CELF4: variants seen among roughly 807,000 people sequenced by gnomAD.
CELF4 encodes the protein CUG-BP- and ETR-3-like factor 4.
In CELF4, 18 loss-of-function variants were observed where a neutral mutation model predicts 59.9. The ratio of observed to expected loss-of-function variants is 0.30; its 90% confidence interval spans 0.21 to 0.45. The LOEUF (loss-of-function observed/expected upper bound fraction) is 0.45, where lower values mean the gene tolerates loss of function less well. Ranked by LOEUF, CELF4 falls within the 20% of genes least tolerant of loss-of-function variation. CELF4 has a pLI of 1.00. For missense variants in CELF4, 456 were observed against 689.0 expected, an observed-to-expected ratio of 0.66 and a Z score of 3.79; for synonymous variants, 261 against 267.1, an observed-to-expected ratio of 0.98 and a Z score of 0.22.
intron 11 of CELF4, among the ~76,000 whole-genome samples, chr18:37,257,963 G>A (rs1206420504): frequency 6.6e-6 from 1 of 152,044 alleles, no homozygotes; most frequent in African/African-American, 2.4e-5. Context: ...TGCTGGATAG[G>A]GTTGCCAGAC....
intron 1 of CELF4, among the ~76,000 whole-genome samples, chr18:37,503,793 G>T (rs1018218426): frequency 6.6e-6 from 1 of 152,196 alleles, no homozygotes; most frequent in Non-Finnish European, 1.5e-5. Context: ...TGGCAGCAGG[G>T]AGTACTGAGA....
chr18:37,553,310 GGTGGTGA>G (rs1489529990), intron 1 of CELF4, among the ~76,000 whole-genome samples: 1 of 152,140 alleles, frequency 6.6e-6, no homozygotes, highest in Admixed American at 6.5e-5. Context: ...GCTGGACCGG[GGTGGTGA>G]GTGTACCAAT....
rs1192966451 is a variant in CELF4 at position 37,483,028 on chromosome 18, C to A, written c.369+2497G>T. Among the ~76,000 whole-genome samples the A allele has an allele frequency of 2.0e-5, 3 of 152,118 alleles. No individual in the cohort carries two copies. The East Asian group carries it at 5.8e-4, about 29-fold the overall frequency. The stretch of plus-strand genomic sequence containing the variant: ...CTTGCTGGGGCACCTAGTGTGGTCA[C>A]CCCAGACAAGAAGAAGTCCCCCTCT... On this transcript the variant is annotated intron_variant, in intron 2 of 12. Coordinates refer to ENST00000420428, the MANE Select transcript of CELF4 (RefSeq NM_020180.4).
At position 37,548,468 on chromosome 18, in the gene CELF4, G is replaced by A. The variant is rs141784049; in HGVS notation, c.286+16888C>T. On this transcript the variant is annotated intron_variant, in intron 1 of 12. Coordinates refer to ENST00000420428, the MANE Select transcript of CELF4 (RefSeq NM_020180.4). Reference sequence around the variant, plus strand: ...ATGTAATGAGATAAAACAAGTGAGAGGCTGTGTGTGTGTCACTGTCACGTA... The same window carrying A: ...ATGTAATGAGATAAAACAAGTGAGAAGCTGTGTGTGTGTCACTGTCACGTA... 5.1e-4 allele frequency among the ~76,000 whole-genome samples: 77 copies of A among 152,248 alleles called. No individual in the cohort carries two copies. The East Asian group carries it at 7.2e-3, about 14-fold the overall frequency.
At chr18:37,373,633 C>G (rs537672820) in intron 2 of CELF4, among the ~76,000 whole-genome samples, 15 of 152,180 alleles carry the variant, frequency 9.9e-5, no homozygotes, top group African/African-American at 3.6e-4. Context: ...CAGGGAGGGT[C>G]GGTAATGTGC....
intron 9 of CELF4, 180 bp downstream of exon 9, chr18:37,266,353 C>A: frequency 1.5e-6 from 1 of 676,058 alleles, no homozygotes; most frequent in Non-Finnish European, 2.6e-6. Context: ...GGGGCACTCT[C>A]GGTGGCCCGC....
intron 2 of CELF4, among the ~76,000 whole-genome samples, chr18:37,420,281 G>A (rs76641246): frequency 0.016 from 2,508 of 152,316 alleles, 73 homozygotes; most frequent in African/African-American, 0.058. Context: ...TGGCTCTACC[G>A]CTCACTAGCC....
At chr18:37,382,583 G>A (rs1020856210) in intron 2 of CELF4, among the ~76,000 whole-genome samples, 1 of 152,158 alleles carries the variant, frequency 6.6e-6, no homozygotes, top group African/African-American at 2.4e-5. Flanking sequence ...ATTCACACAT[G>A]GGTGCATGTG....
At chr18:37,515,735 G>T (rs550273936) in intron 1 of CELF4, among the ~76,000 whole-genome samples, 1 of 152,138 alleles carries the variant, frequency 6.6e-6, no homozygotes, top group Non-Finnish European at 1.5e-5. Context: ...CTCTGGGGGT[G>T]TGGGCATGGT....
rs1010146560 is a variant in CELF4 at position 37,565,778 on chromosome 18, CCG to C, written c.-139_-138del. On this transcript the variant is annotated 5_prime_UTR_variant, in exon 1 of 13. Transcript: ENST00000420428. The stretch of plus-strand genomic sequence containing the variant: ...CCTCGGTTTCTCTACACCTCGCTCT[CCG>C]CTCGCTCTCTGCTCTCTCTCTTTCT... 2.4e-5 allele frequency: 14 copies of C among 594,796 alleles called. No individual in the cohort carries two copies. In the Admixed American group the frequency reaches 5.0e-4, roughly 21 times the overall value. The allele number at this position is 594,796 out of a possible 1,614,324, so 36.8% of individuals were successfully genotyped here. A position where few individuals can be genotyped will look rare whatever the true frequency, so the allele number is the denominator to read the frequency against.
chr18:37,285,700 C>G (rs1412455917), intron 3 of CELF4, among the ~76,000 whole-genome samples: 1 of 152,184 alleles, frequency 6.6e-6, no homozygotes, highest in Non-Finnish European at 1.5e-5. Context: ...CTCTGGCCTT[C>G]GGACCCTTGC....
rs527692189 is a variant in CELF4, at chr18:37,248,673, G to A, written c.*45-3476C>T. 1.9e-3 allele frequency among the ~76,000 whole-genome samples: 288 copies of A among 152,290 alleles called. 3 individuals carry two copies. The highest frequency in any genetic ancestry group is 6.7e-3 in the African/African-American group (280 of 41,568). ...TCCTGGTGGAGCCCTAAGTAGTTGA[G>A]AATGAGTTCTCTTCGCTATCAGGAA... is the stretch of plus-strand genomic sequence containing the variant. On this transcript the variant is annotated intron_variant, in intron 12 of 12. Transcript: ENST00000420428.
chr18:37,449,740 A>G (rs9966374), intron 2 of CELF4, among the ~76,000 whole-genome samples: 53,166 of 152,092 alleles, frequency 0.35, 9,427 homozygotes, highest in South Asian at 0.4. Context: ...GAAGGAAGTG[A>G]GAGAGTGAGC....
intron 2 of CELF4, among the ~76,000 whole-genome samples, chr18:37,355,665 T>G (rs1350487967): frequency 6.6e-3 from 2 of 304 alleles, no homozygotes; most frequent in African/African-American, 0.01. Context: ...AGAGTGAGAC[T>G]CCATCCCCAC....
At chr18:37,450,377 T>A (rs778608489) in intron 2 of CELF4, among the ~76,000 whole-genome samples, 9 of 151,716 alleles carry the variant, frequency 5.9e-5, no homozygotes, top group Non-Finnish European at 4.4e-5. Flanking sequence ...TCTGTCTCCC[T>A]GTCCAGGTCT....
chr18:37,458,517 T>C (rs1257255965), intron 2 of CELF4, among the ~76,000 whole-genome samples: 1 of 152,226 alleles, frequency 6.6e-6, no homozygotes, highest in Admixed American at 6.5e-5. Context: ...CAACCTGCTA[T>C]TTTTGGGGAC....
intron 2 of CELF4, among the ~76,000 whole-genome samples, chr18:37,410,203 G>C (rs1218870036): frequency 6.6e-6 from 1 of 152,158 alleles, no homozygotes; most frequent in Non-Finnish European, 1.5e-5. Context: ...GGCAGCCTAG[G>C]CTTACACAAT....
chr18:37,512,926 G>A (rs572074874), intron 1 of CELF4, among the ~76,000 whole-genome samples: 1 of 152,080 alleles, frequency 6.6e-6, no homozygotes, highest in South Asian at 2.1e-4. Context: ...AGTTCTGCAG[G>A]TGTCATTGGC....
chr18:37,456,270 C>T (rs2099777975), intron 2 of CELF4, among the ~76,000 whole-genome samples: 1 of 152,082 alleles, frequency 6.6e-6, no homozygotes, highest in Admixed American at 6.5e-5. Context: ...TTAAAAGAAC[C>T]CTCCATTGTG....
Sources: gnomAD v4.1 joint callset for allele counts (sites outside exome capture counted in the v4.1 genomes callset) on GRCh38, gnomAD v4.1.1 for gene constraint, MANE v1.5 for transcripts, NCBI Gene and HGNC (gene_info 2026-07-23, HGNC 2026-07-21) for gene names.